KAT2B: variants seen among roughly 807,000 people sequenced by gnomAD.
KAT2B encodes the protein lysine acetyltransferase 2B.
A neutral mutation model predicts 105.9 loss-of-function variants in KAT2B; 36 were observed. The ratio of observed to expected loss-of-function variants is 0.34; its 90% CI spans 0.26 to 0.45. The LOEUF (loss-of-function observed/expected upper bound fraction) is 0.45. Ranked by LOEUF, KAT2B falls within the 20% of genes least tolerant of loss-of-function variation. The pLI is 1.00. For missense variants in KAT2B, 820 were observed against 1,021.6 expected, an observed-to-expected ratio of 0.80 and a Z score of 2.69; for synonymous variants, 397 against 377.9, an observed-to-expected ratio of 1.05 and a Z score of -0.59.
At chr3:20,041,879 C>G (rs754800123) in intron 1 of KAT2B, among the ~76,000 whole-genome samples, 5 of 152,224 alleles carry the variant, frequency 3.3e-5, no homozygotes, top group Non-Finnish European at 5.9e-5. Flanking sequence ...ATTTATTCTA[C>G]TAGAACATCT....
At position 20,146,442 on chromosome 3, in the gene KAT2B, C is replaced by A. The variant is rs1699785043; in HGVS notation, c.2119+12C>A. The A allele has an allele frequency of 3.3e-6, 5 of 1,514,148 alleles. No individual in the cohort carries two copies. The highest frequency in any genetic ancestry group is 1.9e-5 in the Admixed American group (1 of 52,454). The allele number at this position is 1,514,148 out of a possible 1,614,324, so 93.8% of individuals were successfully genotyped here. A position where few individuals can be genotyped will look rare whatever the true frequency, so the allele number is the denominator to read the frequency against. On this transcript the variant is annotated intron_variant, in intron 14 of 17. Coordinates refer to ENST00000263754, the MANE Select transcript of KAT2B (RefSeq NM_003884.5). Reference sequence around the variant, plus strand: ...CATTCCTGGAATTAGTACGTATAGACCTTCTTTTAAAAGCGAAATTTTTTA... The same window carrying A: ...CATTCCTGGAATTAGTACGTATAGAACTTCTTTTAAAAGCGAAATTTTTTA...
intron 2 of KAT2B, among the ~76,000 whole-genome samples, chr3:20,080,944 A>G (rs560974776): frequency 1.3e-5 from 2 of 152,202 alleles, no homozygotes; most frequent in Non-Finnish European, 2.9e-5. Flanking sequence ...AAATTTACAT[A>G]TGTGGCTTGC....
chr3:20,124,431 G>A (rs1404931110), intron 9 of KAT2B, among the ~76,000 whole-genome samples: 3 of 152,110 alleles, frequency 2.0e-5, no homozygotes, highest in Non-Finnish European at 4.4e-5. Context: ...GAACAAGAGA[G>A]TGAGGAGGAG....
At chr3:20,126,906 C>A (rs1383896674) in intron 10 of KAT2B, among the ~76,000 whole-genome samples, 2 of 151,804 alleles carry the variant, frequency 1.3e-5, no homozygotes, top group Non-Finnish European at 1.5e-5. Flanking sequence ...AGCCCAGTAG[C>A]CTATGGGGAC....
At chr3:20,140,413 T>C in intron 13 of KAT2B, 49 bp downstream of exon 13, 1 of 1,595,412 alleles carries the variant, frequency 6.3e-7, no homozygotes, top group Non-Finnish European at 8.6e-7. Flanking sequence ...CAGTCTTAGC[T>C]GGGGTGGGTT....
chr3:20,106,986 TATATATATATATATATATATATA>T (rs2125161554), intron 5 of KAT2B, among the ~76,000 whole-genome samples: 1 of 10,128 alleles, frequency 9.9e-5, no homozygotes, highest in South Asian at 3.7e-3. Context: ...TATGTATATA[TATATATATATATATATATATATA>T]TATATATTTT....
In KAT2B at chr3:20,119,751, G is replaced by A. The variant is rs770558843; in HGVS notation, c.1276+28G>A. On this transcript the variant is annotated intron_variant, in intron 8 of 17. Transcript: ENST00000263754. The stretch of plus-strand genomic sequence containing the variant: ...AAGCTCTTAAGAGGGGATAAGAGAG[G>A]GCTGTGACTTGCTCCAGGAGCTCCA... 3.7e-6 allele frequency: 6 copies of A among 1,611,558 alleles called. No individual in the cohort carries two copies. In the African/African-American group the frequency reaches 8.0e-5, roughly 22 times the overall value.
chr3:20,148,890 G>T, intron 17 of KAT2B: 2 of 162,228 alleles, frequency 1.2e-5, no homozygotes, highest in Admixed American at 1.2e-4. Flanking sequence ...TAATTATTCA[G>T]GATAATAATG....
At chr3:20,086,486 A>G (rs1008163390) in intron 2 of KAT2B, among the ~76,000 whole-genome samples, 6 of 152,176 alleles carry the variant, frequency 3.9e-5, no homozygotes, top group African/African-American at 1.4e-4. Context: ...CTATAGTCCC[A>G]GCCACTTGGA....
chr3:20,091,217 C>T (rs1362485363), intron 2 of KAT2B, among the ~76,000 whole-genome samples: 1 of 152,086 alleles, frequency 6.6e-6, no homozygotes, highest in East Asian at 1.9e-4. Context: ...TCTATATTTT[C>T]ATGATTTAGT....
At chr3:20,053,857 G>C (rs1204454196) in intron 1 of KAT2B, among the ~76,000 whole-genome samples, 1 of 152,046 alleles carries the variant, frequency 6.6e-6, no homozygotes, top group Non-Finnish European at 1.5e-5. Flanking sequence ...GGAGTGCAGT[G>C]GCATGATCTC....
rs999188034 is a variant in KAT2B at position 20,090,306 on chromosome 3, C to T, written c.431-4957C>T. ...CTTAAAGGAAAAGCTTTCAGCTTCT[C>T]ACCATTGAGTGTGATGTTAATTGTG... On this transcript the variant is annotated intron_variant, in intron 2 of 17. Transcript: ENST00000263754. Among the ~76,000 whole-genome samples, 11 of 152,204 alleles carry T rather than the reference C, an allele frequency of 7.2e-5. 1 individual carries two copies. The highest frequency in any genetic ancestry group is 6.5e-5 in the Admixed American group (1 of 15,278).
rs756187022 is a variant in KAT2B, at chr3:20,095,288, T to C, written c.456T>C (p.Asn152=). 1 of 1,612,556 alleles carries C rather than the reference T, an allele frequency of 6.2e-7. No homozygotes were observed. Among genetic ancestry groups the C allele is most frequent in the Non-Finnish European group, 8.5e-7 (1 of 1,178,746 alleles). ...ALAAHVSHLE[N]VSEEEMNRLL... ...CTGCTCATGTTTCCCACCTGGAGAA[T>C]GTGTCAGAGGAAGAAATGAACAGAC... Residue 152 remains asparagine, a synonymous_variant, in exon 3 of 18, where the codon AAT becomes AAC. Transcript: ENST00000263754.
intron 7 of KAT2B, among the ~76,000 whole-genome samples, chr3:20,118,491 C>T (rs865880940): frequency 1.3e-5 from 2 of 148,816 alleles, no homozygotes; most frequent in South Asian, 2.1e-4. Flanking sequence ...CTTAGGTGGG[C>T]GGATCACCTG....
chr3:20,053,701 A>T (rs1430522329), intron 1 of KAT2B, among the ~76,000 whole-genome samples: 1 of 152,228 alleles, frequency 6.6e-6, no homozygotes, highest in Non-Finnish European at 1.5e-5. Flanking sequence ...TTAAACTACT[A>T]TTTATATTTT....
chr3:20,095,252 C>A lies in KAT2B; in HGVS notation c.431-11C>A, dbSNP rs765305736. The A allele has an allele frequency of 2.5e-6, 4 of 1,603,816 alleles. No individual in the cohort carries two copies. The East Asian group carries it at 8.9e-5, about 36-fold the overall frequency. On this transcript the variant is annotated splice_polypyrimidine_tract_variant and intron_variant, in intron 2 of 17. Transcript: ENST00000263754. Reference sequence around the variant, plus strand: ...GAGGTCTTACATATGTTTCTTTGATCTTATCATAAGCTGCTCATGTTTCCC... The same window carrying A: ...GAGGTCTTACATATGTTTCTTTGATATTATCATAAGCTGCTCATGTTTCCC...
chr3:20,095,476 G>A, intron 3 of KAT2B, 68 bp downstream of exon 3: 1 of 1,118,938 alleles, frequency 8.9e-7, no homozygotes, highest in Non-Finnish European at 1.3e-6. Flanking sequence ...CATATGCCAG[G>A]TCGTGGCTGT....
chr3:20,119,278 AT>A (rs34386078), intron 7 of KAT2B, among the ~76,000 whole-genome samples: 3,241 of 134,472 alleles, frequency 0.024, 87 homozygotes, highest in African/African-American at 0.074. Flanking sequence ...CCAAATAGTG[AT>A]TTTTTTTTTT....
At chr3:20,130,260 T>G (rs1699485549) in intron 11 of KAT2B, among the ~76,000 whole-genome samples, 1 of 152,204 alleles carries the variant, frequency 6.6e-6, no homozygotes, top group Non-Finnish European at 1.5e-5. Context: ...CAGTCTTACA[T>G]TCATCATTCT....
Sources: gnomAD v4.1 joint callset for allele counts (sites outside exome capture counted in the v4.1 genomes callset) on GRCh38, gnomAD v4.1.1 for gene constraint, MANE v1.5 for transcripts, NCBI Gene and HGNC (gene_info 2026-07-23, HGNC 2026-07-21) for gene names.